The following CA5B variants were observed in gnomAD, a reference collection of about 807,000 sequenced individuals.
The protein encoded by CA5B is carbonic anhydrase 5B, also known as carbonic anhydrase 5B, mitochondrial.
A neutral mutation model predicts 23.1 loss-of-function variants in CA5B; 15 were observed. That is an observed-to-expected ratio of 0.65 (90% CI 0.43 to 1.00). CA5B has a LOEUF of 1.00. Ranked by LOEUF, CA5B falls within the 50% of genes least tolerant of loss-of-function variation. The pLI is 0.00. For missense variants in CA5B, 236 were observed against 252.2 expected (o/e 0.94, Z 0.43); for synonymous variants, 84 against 98.5 (o/e 0.85, Z 0.87).
chrX:15,754,504 T>C (rs1179660442), intron 2 of CA5B, among the ~76,000 whole-genome samples: 1 of 112,761 alleles, frequency 8.9e-6, no homozygotes, highest in African/African-American at 3.2e-5. Flanking sequence ...CTCAGATTGC[T>C]GTTTGGTGTT....
intron 2 of CA5B, among the ~76,000 whole-genome samples, chrX:15,751,678 T>TC: frequency 9.0e-6 from 1 of 111,037 alleles, no homozygotes; most frequent in Admixed American, 9.6e-5. Flanking sequence ...TTAGTGAATT[T>TC]CCCACAACAG....
chrX:15,774,611 A>T (rs749915418), intron 5 of CA5B, among the ~76,000 whole-genome samples: 3 of 111,750 alleles, frequency 2.7e-5, no homozygotes, highest in Non-Finnish European at 5.6e-5. Flanking sequence ...AGGCAGGCAG[A>T]TCACTTGAGG....
At chrX:15,775,159 G>C (rs1197517660) in intron 5 of CA5B, 87 bp from the exon 6 acceptor site, 1 of 630,738 alleles carries the variant, frequency 1.6e-6, no homozygotes, top group Non-Finnish European at 2.4e-6. Flanking sequence ...GTAATCACCA[G>C]GTAGTTAATT....
chrX:15,768,242 A>G (rs1449584020), intron 3 of CA5B, among the ~76,000 whole-genome samples: 1 of 110,947 alleles, frequency 9.0e-6, no homozygotes, highest in African/African-American at 3.3e-5. Context: ...TCCTGAGATC[A>G]AGTGATCCTC....
chrX:15,745,711 G>C (rs1474711007), intron 1 of CA5B: 1 of 111,524 alleles, frequency 9.0e-6, no homozygotes, highest in African/African-American at 3.3e-5. Flanking sequence ...AACAGTTAAG[G>C]CAAGCTTTCC....
At chrX:15,771,447 G>C (rs892531646) in intron 3 of CA5B, among the ~76,000 whole-genome samples, 1 of 107,199 alleles carries the variant, frequency 9.3e-6, no homozygotes, top group Non-Finnish European at 1.9e-5. Context: ...GTGTGTTTGC[G>C]ACAGAGTCTC....
chrX:15,742,305 G>A (rs1161862799), intron 1 of CA5B, among the ~76,000 whole-genome samples: 4 of 112,332 alleles, frequency 3.6e-5, no homozygotes, highest in African/African-American at 1.3e-4. Context: ...CTTCTTTCCT[G>A]TTCCTCCCTG....
intron 7 of CA5B, among the ~76,000 whole-genome samples, chrX:15,782,202 G>C (rs778011916): frequency 1.2e-4 from 13 of 112,000 alleles, no homozygotes; most frequent in Non-Finnish European, 1.7e-4. Context: ...TGGATAATAT[G>C]TGGGGACAGG....
chrX:15,760,520 G>A (rs960935291), intron 2 of CA5B, among the ~76,000 whole-genome samples: 2 of 111,616 alleles, frequency 1.8e-5, no homozygotes, highest in Non-Finnish European at 3.8e-5. Flanking sequence ...TGAAGGAACA[G>A]GCTCAGTTTT....
chrX:15,785,666 G>T lies in CA5B; in HGVS notation c.*3002G>T, dbSNP rs1259708120. The T allele has an allele frequency of 1.8e-5, 2 of 111,361 alleles. No homozygotes were observed. The highest frequency in any genetic ancestry group is 5.6e-4 in the East Asian group (2 of 3,581). The allele number at this position is 111,361 out of a possible 1,213,427, so 9.2% of individuals were successfully genotyped here. A position where few individuals can be genotyped will look rare whatever the true frequency, so the allele number is the denominator to read the frequency against. On this transcript the variant is annotated 3_prime_UTR_variant, in exon 8 of 8. Transcript: ENST00000318636. Reference sequence around the variant, plus strand: ...TGAGAAATATCTCTTTTAAAAAGGGGGAAATGTGAAGGCTTTTGCATGTAT... The same window carrying T: ...TGAGAAATATCTCTTTTAAAAAGGGTGAAATGTGAAGGCTTTTGCATGTAT...
rs865964879 is a variant in CA5B, at chrX:15,767,141, T to C, written c.340+2366T>C. ...TCATCCATTTACTCTGCATGCATAG[T>C]AATCCTTTTGAATTCTCAACCCCAT... On this transcript the variant is annotated intron_variant, in intron 3 of 7. Coordinates refer to ENST00000318636, the MANE Select transcript of CA5B (RefSeq NM_007220.4). The C allele has an allele frequency of 4.7e-5, 37 of 786,001 alleles. No homozygotes were observed. The Middle Eastern group carries it at 6.0e-3, about 128-fold the overall frequency. The allele number at this position is 786,001 out of a possible 1,213,427, so 64.8% of individuals were successfully genotyped here.
At chrX:15,766,691 AT>A (rs1223918212) in intron 3 of CA5B, among the ~76,000 whole-genome samples, 7 of 112,136 alleles carry the variant, frequency 6.2e-5, no homozygotes, top group African/African-American at 2.3e-4. Context: ...TTTGGGAAAC[AT>A]TGTTTAAGGC....
At chrX:15,769,635 C>T (rs1384915991) in intron 3 of CA5B, 2 of 735,429 alleles carry the variant, frequency 2.7e-6, no homozygotes, top group Non-Finnish European at 3.2e-6. Flanking sequence ...TTAAGTTCTC[C>T]TTCCCTGTTT....
At chrX:15,743,001 A>G (rs1299892863) in intron 1 of CA5B, among the ~76,000 whole-genome samples, 4 of 112,212 alleles carry the variant, frequency 3.6e-5, no homozygotes, top group African/African-American at 1.3e-4. Flanking sequence ...AGAAACCCTA[A>G]CTTAGAGAAA....
At chrX:15,764,497 C>A (rs1481962817) in intron 2 of CA5B, 81 bp from the exon 3 acceptor site, 1 of 1,175,929 alleles carries the variant, frequency 8.5e-7, no homozygotes, top group Admixed American at 2.3e-5. Flanking sequence ...GCCTTGGCCT[C>A]CCCAAGTGCT....
intron 2 of CA5B, among the ~76,000 whole-genome samples, chrX:15,751,784 C>T (rs982486516): frequency 1.8e-5 from 2 of 110,837 alleles, no homozygotes; most frequent in African/African-American, 3.3e-5. Flanking sequence ...ACCTGTTTGC[C>T]CCAAGAATAA....
At chrX:15,744,934 C>A (rs1175572522) in intron 1 of CA5B, among the ~76,000 whole-genome samples, 5 of 110,446 alleles carry the variant, frequency 4.5e-5, no homozygotes, top group Non-Finnish European at 9.5e-5. Context: ...CTTTAGGGGC[C>A]AAGGTGGGCA....
intron 3 of CA5B, among the ~76,000 whole-genome samples, chrX:15,767,392 A>G (rs2147264149): frequency 9.1e-6 from 1 of 109,996 alleles, no homozygotes; most frequent in South Asian, 3.8e-4. Context: ...CTTTTGAACA[A>G]TAGATTCTAG....
intron 2 of CA5B, among the ~76,000 whole-genome samples, chrX:15,759,352 G>A (rs779817821): frequency 8.1e-5 from 9 of 111,551 alleles, no homozygotes; most frequent in Non-Finnish European, 1.1e-4. Context: ...TGATTAGATC[G>A]TGAGGGCAGA....
Sources: allele counts gnomAD v4.1 joint callset (sites outside exome capture counted in the v4.1 genomes callset), GRCh38; gene constraint gnomAD v4.1.1; transcripts MANE v1.5; gene names NCBI Gene and HGNC (gene_info 2026-07-23, HGNC 2026-07-21).